The following RPS6KA2 variants were observed in gnomAD, a reference collection of about 807,000 sequenced individuals.
RPS6KA2 encodes the protein ribosomal protein S6 kinase A2.
RPS6KA2 carries 42 observed loss-of-function variants against 91.8 expected under a neutral mutation model. That is an observed-to-expected ratio of 0.46 (90% CI 0.36 to 0.59). The LOEUF is 0.59. Among genes scored for constraint, RPS6KA2 ranks in the 20% least tolerant of loss-of-function variants. The pLI, the probability that RPS6KA2 is intolerant of heterozygous loss-of-function variation, is 0.00. For missense variants in RPS6KA2, 798 were observed against 978.5 expected, an observed-to-expected ratio of 0.82 and a Z score of 2.46; for synonymous variants, 414 against 393.6, an observed-to-expected ratio of 1.05 and a Z score of -0.61.
At chr6:166,701,246 C>T (rs191261909) in intron 2 of RPS6KA2, 4 of 1,612,224 alleles carry the variant, frequency 2.5e-6, no homozygotes, top group African/African-American at 2.7e-5. Flanking sequence ...TCATTCTCAT[C>T]AGGTGTCTGG....
chr6:166,437,343 A>G lies in RPS6KA2; in HGVS notation c.1333-4853T>C, dbSNP rs1015610965. ...CTCATTCTGAGAATAATATTGTTTT[A>G]TAATCTTTATTATGCAACAAAACAG... is the stretch of plus-strand genomic sequence containing the variant. On this transcript the variant is annotated intron_variant, in intron 14 of 20. Transcript: ENST00000265678. This position sits in a 1 kb window ranked among gnomAD's most constrained non-coding sequence, Gnocchi z 4.3. 2.6e-5 allele frequency among the ~76,000 whole-genome samples: 4 copies of G among 152,184 alleles called. No homozygotes were observed. The highest frequency in any genetic ancestry group is 9.6e-5 in the African/African-American group (4 of 41,456).
chr6:166,671,978 C>T (rs1159549127), intron 2 of RPS6KA2, among the ~76,000 whole-genome samples: 5 of 152,288 alleles, frequency 3.3e-5, no homozygotes, highest in Non-Finnish European at 7.4e-5. Flanking sequence ...GGGTCTGACA[C>T]CTGTGGCCAA....
In RPS6KA2 at chr6:166,409,416, AAAAT is replaced by A. The variant is rs1233151624; in HGVS notation, c.*3342_*3345del. 1 of 152,336 alleles carries A rather than the reference AAAAT, an allele frequency of 6.6e-6. No homozygotes were observed. The highest frequency in any genetic ancestry group is 2.4e-5 in the African/African-American group (1 of 41,468). 9.4% of individuals were successfully genotyped at this position (152,336 alleles called of 1,614,324 possible). On this transcript the variant is annotated 3_prime_UTR_variant, in exon 21 of 21. Coordinates refer to ENST00000265678, the MANE Select transcript of RPS6KA2 (RefSeq NM_021135.6). The stretch of plus-strand genomic sequence containing the variant: ...CTTCATAAAACCATGTTTATTCAAA[AAAAT>A]CTATTCAGAAAGTCTGGAAAGCGTA...
intron 1 of RPS6KA2, among the ~76,000 whole-genome samples, chr6:166,620,204 T>C (rs1786574856): frequency 6.6e-6 from 1 of 152,222 alleles, no homozygotes; most frequent in Non-Finnish European, 1.5e-5. Flanking sequence ...TATTTGTCAA[T>C]CTCATTCAAG....
chr6:166,657,882 T>G, intron 2 of RPS6KA2, among the ~76,000 whole-genome samples: 1 of 152,070 alleles, frequency 6.6e-6, no homozygotes, highest in East Asian at 1.9e-4. Flanking sequence ...TGGGAGGAAT[T>G]CACTTTTCTT....
intron 1 of RPS6KA2, among the ~76,000 whole-genome samples, chr6:166,549,221 G>A (rs76517195): frequency 0.014 from 2,170 of 152,300 alleles, 42 homozygotes; most frequent in African/African-American, 0.049. Flanking sequence ...CGTTGCTGGT[G>A]TAAATATAAA....
chr6:166,797,724 T>C (rs144785377), intron 2 of RPS6KA2, among the ~76,000 whole-genome samples: 1 of 152,164 alleles, frequency 6.6e-6, no homozygotes, highest in East Asian at 1.9e-4. Flanking sequence ...AATCTGCATA[T>C]AATCGGACAC....
chr6:166,612,021 C>G lies in RPS6KA2; in HGVS notation c.99+14900G>C, dbSNP rs1488859468. ...TGGCTTTCTCCAACTGCCTCATCCT[C>G]TAATTGCACAGAAGAAATACTGTGA... On this transcript the variant is annotated intron_variant, in intron 1 of 20. Coordinates refer to ENST00000265678, the MANE Select transcript of RPS6KA2 (RefSeq NM_021135.6). This position sits in a 1 kb window ranked among gnomAD's most constrained non-coding sequence, Gnocchi z 4.3. Among the ~76,000 whole-genome samples the G allele has an allele frequency of 6.6e-6, 1 of 152,226 alleles. No homozygotes were observed. Among genetic ancestry groups the G allele is most frequent in the Non-Finnish European group, 1.5e-5 (1 of 68,044 alleles).
chr6:166,463,531 A>G (rs1490788610), intron 11 of RPS6KA2: 2 of 152,206 alleles, frequency 1.3e-5, no homozygotes, highest in African/African-American at 2.4e-5. Context: ...CACGGGAAAC[A>G]AGCGCACGTG....
rs1160072167 is a variant in RPS6KA2 at position 166,762,730 on chromosome 6, AG to A, written c.123+95469del. ...GCACCTTCCCATCCTGTCCACTCCC[AG>A]GAAACGACCTTCACTTCTGCCCCGA... is the stretch of plus-strand genomic sequence containing the variant. On this transcript the variant is annotated intron_variant, in intron 2 of 21. Transcript: ENST00000503859. Among the ~76,000 whole-genome samples, 50 of 152,274 alleles carry A rather than the reference AG, an allele frequency of 3.3e-4. No individual in the cohort carries two copies. The East Asian group carries it at 8.1e-3, about 25-fold the overall frequency.
chr6:166,725,991 A>G (rs880900), intron 2 of RPS6KA2, among the ~76,000 whole-genome samples: 55,894 of 152,094 alleles, frequency 0.37, 13,463 homozygotes, highest in African/African-American at 0.7. Flanking sequence ...TGAAACAGCC[A>G]CGCCCCAGAA....
At chr6:166,652,841 A>G (rs564472545) in intron 2 of RPS6KA2, among the ~76,000 whole-genome samples, 3 of 152,290 alleles carry the variant, frequency 2.0e-5, no homozygotes, top group Non-Finnish European at 4.4e-5. Flanking sequence ...GGCAAGCACT[A>G]TAATTAAACT....
At chr6:166,600,211 A>G (rs973847344) in intron 1 of RPS6KA2, among the ~76,000 whole-genome samples, 1 of 152,106 alleles carries the variant, frequency 6.6e-6, no homozygotes. Context: ...AGGTCTCACT[A>G]TGTTTCCCAG....
chr6:166,602,601 T>C (rs532116784), intron 1 of RPS6KA2, among the ~76,000 whole-genome samples: 61 of 152,300 alleles, frequency 4.0e-4, no homozygotes, highest in African/African-American at 1.4e-3. Flanking sequence ...CAAGACGCAT[T>C]CATGCATACA....
chr6:166,550,783 A>G (rs1161803613), intron 1 of RPS6KA2, among the ~76,000 whole-genome samples: 1 of 152,068 alleles, frequency 6.6e-6, no homozygotes, highest in Admixed American at 6.6e-5. Context: ...CGGTCAGATC[A>G]CAAGGTCAGG....
At chr6:166,714,841 C>T (rs1160681435) in intron 2 of RPS6KA2, among the ~76,000 whole-genome samples, 1 of 152,218 alleles carries the variant, frequency 6.6e-6, no homozygotes, top group South Asian at 2.1e-4. Context: ...CCCCAGGACA[C>T]CAATACCAGG....
Position 166,521,433 on chromosome 6 carries a change from T to A in RPS6KA2, c.298+9799A>T, listed in dbSNP as rs192509757. ...CACAGCATCTAGTCAAAGAGGATTATTCTGGAGTCTTGAGGTTCCATGTTA... is the reference window on the plus strand; with the variant it reads ...CACAGCATCTAGTCAAAGAGGATTAATCTGGAGTCTTGAGGTTCCATGTTA... On this transcript the variant is annotated intron_variant, in intron 3 of 20. Coordinates refer to ENST00000265678, the MANE Select transcript of RPS6KA2 (RefSeq NM_021135.6). Among the ~76,000 whole-genome samples the A allele has an allele frequency of 8.8e-4, 134 of 152,368 alleles. 1 individual carries two copies. Among genetic ancestry groups the A allele is most frequent in the African/African-American group, 3.1e-3 (128 of 41,586 alleles).
chr6:166,698,181 C>T (rs77091509), intron 2 of RPS6KA2, among the ~76,000 whole-genome samples: 9,018 of 152,206 alleles, frequency 0.059, 309 homozygotes, highest in African/African-American at 0.07. Flanking sequence ...GAAAGGACTG[C>T]GACACAAAAT....
chr6:166,585,225 G>A (rs1433668122), intron 1 of RPS6KA2, among the ~76,000 whole-genome samples: 18 of 152,318 alleles, frequency 1.2e-4, no homozygotes, highest in African/African-American at 3.8e-4. Context: ...TGAGTGACTC[G>A]GGGCTGGGAA....
Sources: allele counts gnomAD v4.1 joint callset (sites outside exome capture counted in the v4.1 genomes callset), GRCh38; gene constraint gnomAD v4.1.1; non-coding constraint Gnocchi (gnomAD v3.1); transcripts MANE v1.5; gene names NCBI Gene and HGNC (gene_info 2026-07-23, HGNC 2026-07-21).